The following CACNA2D3 variants were observed in gnomAD, a reference collection of about 807,000 sequenced individuals.
The protein encoded by CACNA2D3 is voltage-dependent calcium channel subunit alpha-2/delta-3.
A neutral mutation model predicts 160.6 loss-of-function variants in CACNA2D3; 60 were observed. The observed-to-expected ratio is 0.37, with a 90% CI of 0.30 to 0.46. The LOEUF is 0.46. Ranked by LOEUF, CACNA2D3 falls within the 20% of genes least tolerant of loss-of-function variation. The pLI is 1.00. For missense variants in CACNA2D3, 1,205 were observed against 1,365.0 expected, an observed-to-expected ratio of 0.88 and a Z score of 1.85; for synonymous variants, 558 against 492.9, an observed-to-expected ratio of 1.13 and a Z score of -1.75.
At chr3:54,388,941 T>C (rs1170939396) in intron 4 of CACNA2D3, among the ~76,000 whole-genome samples, 2 of 152,136 alleles carry the variant, frequency 1.3e-5, no homozygotes, top group Non-Finnish European at 2.9e-5. Context: ...TCAACTTAGC[T>C]TGTAACAATG....
chr3:54,244,901 T>C (rs1296424527), intron 2 of CACNA2D3, among the ~76,000 whole-genome samples: 1 of 152,260 alleles, frequency 6.6e-6, no homozygotes, highest in Non-Finnish European at 1.5e-5. Context: ...GTTCATATCC[T>C]CTGGGATCCA....
chr3:54,611,081 G>A (rs1419547561), intron 9 of CACNA2D3, among the ~76,000 whole-genome samples: 3 of 152,198 alleles, frequency 2.0e-5, no homozygotes, highest in African/African-American at 2.4e-5. Flanking sequence ...TGTATCTGGA[G>A]GTTTGTCCTA....
chr3:54,650,829 T>C (rs188140413), intron 11 of CACNA2D3, among the ~76,000 whole-genome samples: 75 of 152,310 alleles, frequency 4.9e-4, no homozygotes, highest in Middle Eastern at 3.4e-3. Context: ...TAAACCAATT[T>C]CTTATACCCC....
At chr3:54,278,218 A>G (rs1409565612) in intron 2 of CACNA2D3, among the ~76,000 whole-genome samples, 3 of 152,248 alleles carry the variant, frequency 2.0e-5, no homozygotes, top group African/African-American at 4.8e-5. Flanking sequence ...ACATTTATGC[A>G]GCCAACAAAC....
intron 3 of CACNA2D3, among the ~76,000 whole-genome samples, chr3:54,374,219 C>T (rs750983028): frequency 3.9e-5 from 6 of 152,336 alleles, no homozygotes; most frequent in African/African-American, 4.8e-5. Context: ...CCACCACCAA[C>T]GATCTCCGGT....
rs186614379 is a variant in CACNA2D3 at position 54,540,924 on chromosome 3, C to T, written c.545-21876C>T. Among the ~76,000 whole-genome samples, 193 of 152,220 alleles carry T rather than the reference C, an allele frequency of 1.3e-3. 3 individuals carry two copies. Among genetic ancestry groups the T allele is most frequent in the African/African-American group, 4.4e-3 (183 of 41,534 alleles). ...TTTGCAGATGTAACTAGTTAAGGAT[C>T]TTGAGATGAAGTCATACTGGATTTA... On this transcript the variant is annotated intron_variant, in intron 5 of 37. Transcript: ENST00000474759.
At chr3:55,009,860 C>T (rs1288473629) in intron 34 of CACNA2D3, among the ~76,000 whole-genome samples, 1 of 152,140 alleles carries the variant, frequency 6.6e-6, no homozygotes, top group African/African-American at 2.4e-5. Flanking sequence ...ATTACTATCC[C>T]TTCTCAAATA....
At chr3:54,958,657 G>A (rs1480936311) in intron 27 of CACNA2D3, among the ~76,000 whole-genome samples, 1 of 152,160 alleles carries the variant, frequency 6.6e-6, no homozygotes, top group Non-Finnish European at 1.5e-5. Flanking sequence ...GTTGATGGAG[G>A]TGGCCTTGGT....
intron 2 of CACNA2D3, among the ~76,000 whole-genome samples, chr3:54,314,432 T>C (rs541707786): frequency 3.5e-4 from 53 of 152,332 alleles, no homozygotes; most frequent in Non-Finnish European, 6.2e-4. Flanking sequence ...AGTAGTGGGA[T>C]TGCTGGATCA....
chr3:54,503,734 T>G, intron 5 of CACNA2D3, 80 bp downstream of exon 5: 4 of 1,325,754 alleles, frequency 3.0e-6, no homozygotes, highest in Non-Finnish European at 4.2e-6. Context: ...GTTTGGGATA[T>G]AGTTTTGGTT....
At chr3:54,532,876 T>C (rs975313927) in intron 5 of CACNA2D3, among the ~76,000 whole-genome samples, 4 of 152,206 alleles carry the variant, frequency 2.6e-5, no homozygotes, top group African/African-American at 4.8e-5. Flanking sequence ...GAAATTTTCA[T>C]ACTGTTTTCC....
chr3:54,282,386 G>A (rs2107464445), intron 2 of CACNA2D3, among the ~76,000 whole-genome samples: 1 of 152,286 alleles, frequency 6.6e-6, no homozygotes, highest in East Asian at 1.9e-4. Flanking sequence ...GAGGCCCTTG[G>A]ATAGTAGCCA....
At chr3:54,281,996 T>C (rs1431581467) in intron 2 of CACNA2D3, among the ~76,000 whole-genome samples, 1 of 152,214 alleles carries the variant, frequency 6.6e-6, no homozygotes, top group Non-Finnish European at 1.5e-5. Context: ...AGTTTATTGC[T>C]TAAGTGGTCT....
At chr3:54,393,860 C>G (rs1699325784) in intron 4 of CACNA2D3, among the ~76,000 whole-genome samples, 1 of 152,202 alleles carries the variant, frequency 6.6e-6, no homozygotes, top group Admixed American at 6.5e-5. Flanking sequence ...CTGGACTGTC[C>G]TTGCAGAGTA....
intron 35 of CACNA2D3, among the ~76,000 whole-genome samples, chr3:55,060,749 T>C (rs894870927): frequency 5.9e-5 from 9 of 152,008 alleles, no homozygotes; most frequent in Non-Finnish European, 1.0e-4. Flanking sequence ...ATTAAGAAGA[T>C]TTACTGAAGA....
intron 27 of CACNA2D3, among the ~76,000 whole-genome samples, chr3:54,907,551 C>T (rs1918070): frequency 0.78 from 118,497 of 152,104 alleles, 46,978 homozygotes; most frequent in African/African-American, 0.92. Flanking sequence ...TTATTGTCGC[C>T]CTCTTCATTA....
intron 11 of CACNA2D3, among the ~76,000 whole-genome samples, chr3:54,732,075 G>GT (rs1283760319): frequency 6.6e-6 from 1 of 152,044 alleles, no homozygotes; most frequent in Non-Finnish European, 1.5e-5. Context: ...ATTTGTTGCC[G>GT]TTTTTCTCTT....
intron 17 of CACNA2D3, among the ~76,000 whole-genome samples, chr3:54,861,932 G>T (rs180870828): frequency 2.0e-5 from 3 of 152,284 alleles, no homozygotes; most frequent in African/African-American, 7.2e-5. Context: ...GCTCTCTTGG[G>T]TTTATTCAGA....
intron 8 of CACNA2D3, 66 bp downstream of exon 8, chr3:54,570,170 A>G: frequency 6.7e-7 from 1 of 1,494,634 alleles, no homozygotes; most frequent in Non-Finnish European, 9.3e-7. Flanking sequence ...GTGACTGGTT[A>G]ACATTGCTCT....
Sources: allele counts gnomAD v4.1 joint callset (sites outside exome capture counted in the v4.1 genomes callset), GRCh38; gene constraint gnomAD v4.1.1; transcripts MANE v1.5; gene names NCBI Gene and HGNC (gene_info 2026-07-23, HGNC 2026-07-21).